The following CLSTN2 variants were observed in gnomAD, a reference collection of about 807,000 sequenced individuals.
CLSTN2 encodes the protein calsyntenin 2.
CLSTN2 carries 48 observed loss-of-function variants against 101.2 expected under a neutral mutation model. The observed-to-expected ratio is 0.47, with a 90% CI of 0.38 to 0.60. CLSTN2 has a LOEUF of 0.60. CLSTN2 is among the 20% of genes least tolerant of loss of function. The pLI, the probability that CLSTN2 is intolerant of heterozygous loss-of-function variation, is 0.00. For synonymous variants in CLSTN2, 481 were observed against 463.6 expected (o/e 1.04, Z -0.48); for missense variants, 1,160 against 1,238.2 (o/e 0.94, Z 0.95).
intron 2 of CLSTN2, among the ~76,000 whole-genome samples, chr3:140,287,423 G>T (rs888007473): frequency 6.6e-6 from 1 of 152,066 alleles, no homozygotes; most frequent in African/African-American, 2.4e-5. Flanking sequence ...GCTTTTGGGG[G>T]AAAGAAGAAT....
intron 5 of CLSTN2, among the ~76,000 whole-genome samples, chr3:140,421,744 T>C (rs932255202): frequency 9.2e-5 from 14 of 152,176 alleles, no homozygotes; most frequent in Non-Finnish European, 1.6e-4. Context: ...TTAGGGAATG[T>C]ATAAAATGTT....
intron 2 of CLSTN2, among the ~76,000 whole-genome samples, chr3:140,386,777 A>T (rs184704296): frequency 9.8e-4 from 150 of 152,320 alleles, no homozygotes; most frequent in African/African-American, 3.5e-3. Context: ...AGCCATACCC[A>T]AGAGCCAAGG....
chr3:139,982,653 T>G (rs4683465), intron 1 of CLSTN2, among the ~76,000 whole-genome samples: 2 of 152,074 alleles, frequency 1.3e-5, no homozygotes, highest in African/African-American at 4.8e-5. Context: ...GTAGTTTCAC[T>G]GTGTTGCTGC....
chr3:140,427,116 C>T (rs1434745410), intron 5 of CLSTN2, among the ~76,000 whole-genome samples: 9 of 141,866 alleles, frequency 6.3e-5, no homozygotes, highest in Non-Finnish European at 1.3e-4. Context: ...GTGGAGGTTG[C>T]AGTTAGCCAG....
intron 1 of CLSTN2, among the ~76,000 whole-genome samples, chr3:140,137,653 C>T (rs528251584): frequency 3.9e-4 from 60 of 152,230 alleles, no homozygotes; most frequent in African/African-American, 1.3e-3. Context: ...CACAAAGAAA[C>T]GCAATAATAG....
chr3:140,186,349 T>C (rs978535847), intron 2 of CLSTN2, among the ~76,000 whole-genome samples: 4 of 152,212 alleles, frequency 2.6e-5, no homozygotes, highest in African/African-American at 7.2e-5. Flanking sequence ...CCACCACAAA[T>C]ATTAATTATG....
intron 1 of CLSTN2, among the ~76,000 whole-genome samples, chr3:140,169,946 A>G (rs954536088): frequency 6.6e-6 from 1 of 152,168 alleles, no homozygotes; most frequent in African/African-American, 2.4e-5. Context: ...AAGTATCTTC[A>G]TTTTACAAAT....
rs539867748 is a variant in CLSTN2 at position 140,445,619 on chromosome 3, A to G, written c.788-2900A>G. On this transcript the variant is annotated intron_variant, in intron 5 of 16. Transcript: ENST00000458420. ...AGAGAGGAGAGATAGATGATTCTATATAGAGAAGGGATAGATGGTCCAGCA... is the reference window on the plus strand; with the variant it reads ...AGAGAGGAGAGATAGATGATTCTATGTAGAGAAGGGATAGATGGTCCAGCA... Among the ~76,000 whole-genome samples, 27 of 152,304 alleles carry G rather than the reference A, an allele frequency of 1.8e-4. No homozygotes were observed. In the South Asian group the frequency reaches 5.6e-3, roughly 32 times the overall value.
chr3:139,999,262 C>T (rs1297357692), intron 1 of CLSTN2, among the ~76,000 whole-genome samples: 1 of 152,216 alleles, frequency 6.6e-6, no homozygotes, highest in Non-Finnish European at 1.5e-5. Context: ...CCCTCCCTCC[C>T]TCCCTTTCCA....
rs571234060 is a variant in CLSTN2, at chr3:140,484,480, C to A, written c.1344+17749C>A. Among the ~76,000 whole-genome samples the A allele has an allele frequency of 2.2e-4, 34 of 151,922 alleles. No homozygotes were observed. The East Asian group carries it at 2.7e-3, about 12-fold the overall frequency. ...TCTCAAGGAGTATCTTTGTGGCATT[C>A]TCTGTATTTCCTGAATTTGAATGTT... On this transcript the variant is annotated intron_variant, in intron 8 of 16. Coordinates refer to ENST00000458420, the MANE Select transcript of CLSTN2 (RefSeq NM_022131.3).
chr3:139,952,736 A>C (rs1342179632), intron 1 of CLSTN2, among the ~76,000 whole-genome samples: 1 of 152,092 alleles, frequency 6.6e-6, no homozygotes, highest in Non-Finnish European at 1.5e-5. Flanking sequence ...TTCGTTTCCC[A>C]TTTCACCGTC....
At chr3:140,389,385 G>A (rs527710078) in intron 2 of CLSTN2, among the ~76,000 whole-genome samples, 1 of 152,278 alleles carries the variant, frequency 6.6e-6, no homozygotes, top group African/African-American at 2.4e-5. Flanking sequence ...GAGAACATAT[G>A]GTGTTTGGTT....
chr3:140,036,613 C>T (rs1270636739), intron 1 of CLSTN2, among the ~76,000 whole-genome samples: 1 of 152,078 alleles, frequency 6.6e-6, no homozygotes, highest in Non-Finnish European at 1.5e-5. Flanking sequence ...ATTCTGCTTT[C>T]CTTCACAATT....
chr3:140,254,340 A>G (rs1042601221), intron 2 of CLSTN2, among the ~76,000 whole-genome samples: 7 of 152,186 alleles, frequency 4.6e-5, no homozygotes, highest in African/African-American at 1.4e-4. Flanking sequence ...CTCTCAATCT[A>G]GGCTTCATGG....
intron 1 of CLSTN2, among the ~76,000 whole-genome samples, chr3:139,999,491 C>A (rs1182730872): frequency 6.6e-6 from 1 of 152,166 alleles, no homozygotes; most frequent in Non-Finnish European, 1.5e-5. Flanking sequence ...CTTCCTTTAC[C>A]TGTGCAGCTC....
chr3:140,361,790 C>A (rs1361996299), intron 2 of CLSTN2, among the ~76,000 whole-genome samples: 1 of 151,908 alleles, frequency 6.6e-6, no homozygotes, highest in African/African-American at 2.4e-5. Context: ...GACTTGTATA[C>A]TGAAAACTAC....
chr3:140,475,480 G>C (rs556974824), intron 8 of CLSTN2, among the ~76,000 whole-genome samples: 1 of 152,088 alleles, frequency 6.6e-6, no homozygotes, highest in Non-Finnish European at 1.5e-5. Flanking sequence ...TTATTACTTG[G>C]ATTTTCTTTA....
At chr3:140,265,452 G>A (rs557752210) in intron 2 of CLSTN2, among the ~76,000 whole-genome samples, 5 of 152,236 alleles carry the variant, frequency 3.3e-5, no homozygotes, top group African/African-American at 1.2e-4. Context: ...CAGACCCCCT[G>A]GAATCAGAGT....
intron 1 of CLSTN2, among the ~76,000 whole-genome samples, chr3:140,017,098 C>T (rs1005424324): frequency 1.3e-5 from 2 of 152,142 alleles, no homozygotes; most frequent in African/African-American, 4.8e-5. Context: ...AGTTACATGC[C>T]TGTGGTGTGT....
Sources: allele counts gnomAD v4.1 joint callset (sites outside exome capture counted in the v4.1 genomes callset), GRCh38; gene constraint gnomAD v4.1.1; transcripts MANE v1.5; gene names NCBI Gene and HGNC (gene_info 2026-07-23, HGNC 2026-07-21).